ATRX: variants seen among roughly 807,000 people sequenced by gnomAD.
ATRX encodes ATRX chromatin remodeler.
ATRX carries 12 observed loss-of-function variants against 172.6 expected under a neutral mutation model. That is an observed-to-expected ratio of 0.07 (90% CI 0.04 to 0.11). The LOEUF (loss-of-function observed/expected upper bound fraction) is 0.11. ATRX is among the 10% of genes least tolerant of loss of function. ATRX has a pLI of 1.00. For missense variants in ATRX, 1,368 were observed against 1,767.4 expected (o/e 0.77, Z 4.05); for synonymous variants, 674 against 594.7 (o/e 1.13, Z -1.94).
chrX:77,702,207 C>T lies in ATRX; in HGVS notation c.134-3578G>A, dbSNP rs1265999890. 3.6e-5 allele frequency among the ~76,000 whole-genome samples: 4 copies of T among 112,591 alleles called. No individual in the cohort carries two copies. The East Asian group carries it at 1.1e-3, about 31-fold the overall frequency. On this transcript the variant is annotated intron_variant, in intron 2 of 34. Coordinates refer to ENST00000373344, the MANE Select transcript of ATRX (RefSeq NM_000489.6). Reference sequence around the variant, plus strand: ...CCTGTAATCCCAAAACTTTGGGAGGCCGAGGCAGGCGGATCACCAGAGGTC... The same window carrying T: ...CCTGTAATCCCAAAACTTTGGGAGGTCGAGGCAGGCGGATCACCAGAGGTC...
Position 77,684,069 on chromosome X carries a change from T to G in ATRX, c.1187A>C (p.Lys396Thr). The part of the protein sequence containing the change: ...ATKLRQLKAF[K>T]SVLADIKKAH... ...CTTCTTAATATCAGCCAACACAGACTTAAAAGCCTTAAGCTGACGTAATTT... is the reference window on the plus strand; with the variant it reads ...CTTCTTAATATCAGCCAACACAGACGTAAAAGCCTTAAGCTGACGTAATTT... The change falls in exon 9 of 35, where the codon AAG becomes ACG. Residue 396 changes from lysine to threonine, a missense_variant. Lys to Thr is a moderately conservative substitution (Grantham distance 78). This residue lies in a region of ATRX where 843 missense variants were observed against 643.1 expected (regional missense o/e 1.31). Coordinates refer to ENST00000373344, the MANE Select transcript of ATRX (RefSeq NM_000489.6). 1 of 1,208,787 alleles carries G rather than the reference T, an allele frequency of 8.3e-7. No homozygotes were observed. The highest frequency in any genetic ancestry group is 1.1e-6 in the Non-Finnish European group (1 of 892,879).
intron 13 of ATRX, among the ~76,000 whole-genome samples, chrX:77,655,112 T>C (rs1242790305): frequency 5.4e-5 from 6 of 110,792 alleles, no homozygotes; most frequent in Non-Finnish European, 7.6e-5. Context: ...GAAAATAGAA[T>C]GGTGGTTGCC....
At chrX:77,690,809 T>C (rs2071840541) in intron 6 of ATRX, 1 of 112,581 alleles carries the variant, frequency 8.9e-6, no homozygotes, top group Admixed American at 9.4e-5. Context: ...TTACTAAGTA[T>C]CTTCTATGTG....
At position 77,615,726 on chromosome X, in the gene ATRX, T is replaced by G. The variant is rs187763113; in HGVS notation, c.5566+887A>C. 2.7e-5 allele frequency among the ~76,000 whole-genome samples: 3 copies of G among 111,543 alleles called. No individual in the cohort carries two copies. The East Asian group carries it at 8.4e-4, about 31-fold the overall frequency. The stretch of plus-strand genomic sequence containing the variant: ...GCAGAATGTTTCTTGAGAACCATCA[T>G]ATTTTACTCTCTAGGATGCACTGCT... On this transcript the variant is annotated intron_variant, in intron 22 of 34. Transcript: ENST00000373344.
chrX:77,712,155 G>A (rs1455942256), intron 2 of ATRX, among the ~76,000 whole-genome samples: 1 of 112,092 alleles, frequency 8.9e-6, no homozygotes, highest in Non-Finnish European at 1.9e-5. Flanking sequence ...AAGTCTTAAA[G>A]GCCACAGATG....
chrX:77,579,192 T>C (rs1236261729), intron 27 of ATRX, among the ~76,000 whole-genome samples: 1 of 112,630 alleles, frequency 8.9e-6, no homozygotes, highest in Admixed American at 9.3e-5. Context: ...AGCATCTCTA[T>C]ACCCGCCCAG....
At chrX:77,590,485 G>A (rs782464477) in intron 26 of ATRX, among the ~76,000 whole-genome samples, 2 of 108,429 alleles carry the variant, frequency 1.8e-5, no homozygotes, top group East Asian at 2.9e-4. Flanking sequence ...TGTGGTGGGC[G>A]CCCGTAGTCC....
intron 2 of ATRX, among the ~76,000 whole-genome samples, chrX:77,716,346 A>C (rs1276020445): frequency 2.2e-5 from 2 of 92,350 alleles, no homozygotes; most frequent in East Asian, 3.3e-4. Context: ...ATATATATAT[A>C]TATCTTTTTA....
chrX:77,684,707 T>A (rs1557142910), intron 8 of ATRX, 114 bp from the exon 9 acceptor site: 1 of 922,018 alleles, frequency 1.1e-6, no homozygotes, highest in Non-Finnish European at 1.5e-6. Context: ...ATCTCTTTGT[T>A]ATAATGCAAT....
At chrX:77,590,325 T>G (rs190983348) in intron 26 of ATRX, among the ~76,000 whole-genome samples, 1 of 110,954 alleles carries the variant, frequency 9.0e-6, no homozygotes, top group African/African-American at 3.3e-5. Flanking sequence ...CCAATGGTCT[T>G]GGTAGCCGGG....
rs376657986 is a variant in ATRX, at chrX:77,750,761, T to G, written c.21-33518A>C. ...GTTCTCACTGTTCGACTCCCACTTA[T>G]GAGTGAGAACGTGCAGTGTTTGGTT... On this transcript the variant is annotated intron_variant, in intron 1 of 34. Coordinates refer to ENST00000373344, the MANE Select transcript of ATRX (RefSeq NM_000489.6). 7.6e-4 allele frequency among the ~76,000 whole-genome samples: 84 copies of G among 110,293 alleles called. 2 individuals carry two copies. In the South Asian group the frequency reaches 0.033, roughly 43 times the overall value.
At position 77,664,643 on chromosome X, in the gene ATRX, ACCCTC is replaced by A. The variant is rs2148496245; in HGVS notation, c.3940_3943+1del. On this transcript the variant is annotated splice_donor_variant and coding_sequence_variant, in exon 11 of 35. Transcript: ENST00000373344. LOFTEE classifies it high-confidence loss of function. Reference sequence around the variant, plus strand: ...TTATAAACTTCTCTCTGGGGAGCTCACCCTCATCTCCTGGGTTTTCTTCATTTTGT... The same window carrying A: ...TTATAAACTTCTCTCTGGGGAGCTCAATCTCCTGGGTTTTCTTCATTTTGT... 8.3e-7 allele frequency: 1 copy of A among 1,209,026 alleles called. No individual in the cohort carries two copies. The highest frequency in any genetic ancestry group is 3.0e-5 in the East Asian group (1 of 33,710).
chrX:77,608,106 G>A (rs1264974654), intron 22 of ATRX, among the ~76,000 whole-genome samples: 1 of 109,457 alleles, frequency 9.1e-6, no homozygotes, highest in African/African-American at 3.3e-5. Flanking sequence ...GGCCGGCCGG[G>A]CACAGTGGCT....
Position 77,683,484 on chromosome X carries a change from G to C in ATRX, c.1772C>G (p.Thr591Ser), listed in dbSNP as rs2148615196. 1 of 1,209,662 alleles carries C rather than the reference G, an allele frequency of 8.3e-7. No homozygotes were observed. The highest frequency in any genetic ancestry group is 1.1e-6 in the Non-Finnish European group (1 of 893,593). The change falls in exon 9 of 35, where the codon ACT (threonine) becomes AGT (serine). Residue 591 changes from threonine to serine, a missense_variant. Physicochemically the swap from Thr to Ser is moderately conservative, Grantham distance 58. Transcript: ENST00000373344. ...TGGGGAATTAGAAAGGGAAACAGGA[G>C]TGAGTTTAACATATAATTCTTTTGT... The part of the protein sequence containing the change: ...KVTKELYVKL[T>S]PVSLSNSPIK...
In ATRX at chrX:77,506,618, C is replaced by T. The variant is rs1239213599; in HGVS notation, c.*1733G>A. On this transcript the variant is annotated 3_prime_UTR_variant, in exon 35 of 35. Transcript: ENST00000373344. The stretch of plus-strand genomic sequence containing the variant: ...CTAAAGTAAATACACACCTGCCCCA[C>T]CCAATTAAATAAATCTGATTACATG... 2 of 173,423 alleles carry T rather than the reference C, an allele frequency of 1.2e-5. No individual in the cohort carries two copies. The highest frequency in any genetic ancestry group is 5.9e-5 in the African/African-American group (2 of 33,728). The allele number at this position is 173,423 out of a possible 1,213,427, so 14.3% of individuals were successfully genotyped here. A position where few individuals can be genotyped will look rare whatever the true frequency, so the allele number is the denominator to read the frequency against.
intron 8 of ATRX, 57 bp downstream of exon 8, chrX:77,684,882 T>C (rs2071466490): frequency 9.8e-6 from 10 of 1,015,941 alleles, no homozygotes; most frequent in Non-Finnish European, 1.4e-5. Flanking sequence ...AATGATTATG[T>C]AACAATTCCT....
chrX:77,643,389 A>AT (rs1375766370), intron 15 of ATRX, among the ~76,000 whole-genome samples: 6 of 108,371 alleles, frequency 5.5e-5, no homozygotes, highest in South Asian at 4.1e-4. Flanking sequence ...CACTTTTGGA[A>AT]TTTTTTTTTT....
chrX:77,759,190 C>T (rs971440516), intron 1 of ATRX, among the ~76,000 whole-genome samples: 1 of 111,408 alleles, frequency 9.0e-6, no homozygotes, highest in African/African-American at 3.3e-5. Context: ...CAGTTATCTA[C>T]ACAAAAACAT....
chrX:77,580,741 G>C (rs782332533), intron 27 of ATRX, among the ~76,000 whole-genome samples: 2 of 111,730 alleles, frequency 1.8e-5, no homozygotes, highest in East Asian at 5.6e-4. Flanking sequence ...ACTAAAAACA[G>C]TAAGTACATA....
Sources: allele counts gnomAD v4.1 joint callset (sites outside exome capture counted in the v4.1 genomes callset), GRCh38; gene constraint gnomAD v4.1.1; regional missense constraint gnomAD v4.1.1; transcripts MANE v1.5; gene names NCBI Gene and HGNC (gene_info 2026-07-23, HGNC 2026-07-21).